EVC2: variants seen among roughly 807,000 people sequenced by gnomAD.
EVC2 encodes the protein limbin.
Under a neutral mutation model 149.3 loss-of-function variants are expected in EVC2, and 148 were observed. That is an observed-to-expected ratio of 0.99 (90% CI 0.87 to 1.14). The LOEUF (loss-of-function observed/expected upper bound fraction) is 1.14, where lower values mean the gene tolerates loss of function less well. Among genes scored for constraint, EVC2 ranks in the 50% most tolerant of loss-of-function variants. The probability of loss-of-function intolerance (pLI) is 0.00; values close to 1 mark genes in which losing one functional copy is unlikely to be tolerated. For synonymous variants in EVC2, 776 were observed against 649.9 expected (o/e 1.19, Z -2.95); for missense variants, 1,854 against 1,627.3 (o/e 1.14, Z -2.40).
chr4:5,665,778 C>T, intron 7 of EVC2, 129 bp from the exon 8 acceptor site: 1 of 1,425,516 alleles, frequency 7.0e-7, no homozygotes, highest in Non-Finnish European at 9.6e-7. Flanking sequence ...GAGTCTCGCT[C>T]TGCCAGCTAC....
downstream of EVC2, among the ~76,000 whole-genome samples, chr4:5,561,196 A>G (rs1721940860): frequency 6.6e-6 from 1 of 152,180 alleles, no homozygotes; most frequent in Admixed American, 6.5e-5. Context: ...AATTACCTTA[A>G]AAAGGTAGAG....
rs773633372 is a variant in EVC2, at chr4:5,699,642, CA to C, written c.229-1996del. Among the ~76,000 whole-genome samples, 656 of 111,704 alleles carry C rather than the reference CA, an allele frequency of 5.9e-3. 6 individuals carry two copies. The highest frequency in any genetic ancestry group is 0.019 in the African/African-American group (531 of 28,186). 73.3% of individuals were successfully genotyped at this position (111,704 alleles called of 152,430 possible). A position where few individuals can be genotyped will look rare whatever the true frequency, so the allele number is the denominator to read the frequency against. On this transcript the variant is annotated intron_variant, in intron 1 of 21. Coordinates refer to ENST00000344408, the MANE Select transcript of EVC2 (RefSeq NM_147127.5). ...ACAACATAGGGAGACTCCATCTCTA[CA>C]AAAAAAAAAAAAAAAGAAAAAAAGA...
rs1361941950 is a variant in EVC2, at chr4:5,569,176, T to A, written c.3361-536A>T. ...GTCACGTGCTGCGTGATTCCATGCA[T>A]GTAACCACCTGGGCGTGATGAGACT... On this transcript the variant is annotated intron_variant, in intron 19 of 21. Coordinates refer to ENST00000344408, the MANE Select transcript of EVC2 (RefSeq NM_147127.5). This position sits in a 1 kb window ranked among gnomAD's most constrained non-coding sequence, Gnocchi z 4.8. Among the ~76,000 whole-genome samples the A allele has an allele frequency of 1.3e-5, 2 of 152,174 alleles. No homozygotes were observed. Among genetic ancestry groups the A allele is most frequent in the Non-Finnish European group, 2.9e-5 (2 of 68,038 alleles).
At chr4:5,665,687 C>A (rs1372216897) in intron 7 of EVC2, 38 bp from the exon 8 acceptor site, 2 of 1,610,694 alleles carry the variant, frequency 1.2e-6, no homozygotes, top group South Asian at 2.2e-5. Flanking sequence ...CATGTGTGGT[C>A]AGACAGCATG....
chr4:5,571,847 T>C (rs1722661973), intron 19 of EVC2, among the ~76,000 whole-genome samples: 1 of 152,184 alleles, frequency 6.6e-6, no homozygotes, highest in African/African-American at 2.4e-5. Context: ...GGGAAGTCGA[T>C]GGCCTGTCAT....
chr4:5,586,614 G>A (rs995990939), intron 16 of EVC2, among the ~76,000 whole-genome samples: 1 of 151,982 alleles, frequency 6.6e-6, no homozygotes, highest in Non-Finnish European at 1.5e-5. Flanking sequence ...GCTACCTGGA[G>A]GCTTCATCTG....
chr4:5,678,903 T>G (rs1000947298), intron 7 of EVC2, among the ~76,000 whole-genome samples: 1 of 151,904 alleles, frequency 6.6e-6, no homozygotes, highest in Non-Finnish European at 1.5e-5. Context: ...TGGTGGTGGG[T>G]GCCTGTAATC....
chr4:5,576,136 G>C lies in EVC2; in HGVS notation c.3272+104C>G, dbSNP rs771323764. 5.7e-5 allele frequency: 90 copies of C among 1,587,790 alleles called. No homozygotes were observed. Among genetic ancestry groups the C allele is most frequent in the Non-Finnish European group, 7.7e-5 (89 of 1,163,284 alleles). Reference sequence around the variant, plus strand: ...CAATGGGATGACACCTTAGGCAAGAGGGTGAGAGCCCAGGTGGGTATGGGT... The same window carrying C: ...CAATGGGATGACACCTTAGGCAAGACGGTGAGAGCCCAGGTGGGTATGGGT... On this transcript the variant is annotated intron_variant, in intron 18 of 21. Coordinates refer to ENST00000344408, the MANE Select transcript of EVC2 (RefSeq NM_147127.5). The surrounding 1 kb of genome is among the most constrained non-coding windows in gnomAD (Gnocchi z 4.5).
chr4:5,535,053 T>C, the EVC2 span, among the ~76,000 whole-genome samples: 1 of 152,198 alleles, frequency 6.6e-6, no homozygotes, highest in East Asian at 1.9e-4. This position sits in a 1 kb window ranked among gnomAD's most constrained non-coding sequence, Gnocchi z 4.7. Context: ...GTTCCCTCAA[T>C]ACCAGTTTAA....
intron 12 of EVC2, among the ~76,000 whole-genome samples, chr4:5,627,008 A>C (rs189514683): frequency 6.6e-6 from 1 of 152,286 alleles, no homozygotes; most frequent in African/African-American, 2.4e-5. Flanking sequence ...GTTCCTATTT[A>C]TATAGGAAGC....
At chr4:5,650,604 C>CATATATAT (rs66673359) in intron 9 of EVC2, among the ~76,000 whole-genome samples, 172 of 52,932 alleles carry the variant, frequency 3.2e-3, no homozygotes, top group Non-Finnish European at 4.8e-3. Context: ...TTTTAATCGC[C>CATATATAT]ATATATATAT....
chr4:5,570,172 A>C (rs1722560888), intron 19 of EVC2, among the ~76,000 whole-genome samples: 1 of 152,136 alleles, frequency 6.6e-6, no homozygotes, highest in Non-Finnish European at 1.5e-5. Flanking sequence ...GAAGTCAGTG[A>C]CACACGCTTC....
chr4:5,568,988 C>A (rs1048485431), intron 19 of EVC2, among the ~76,000 whole-genome samples: 2 of 152,192 alleles, frequency 1.3e-5, no homozygotes, highest in African/African-American at 2.4e-5. Flanking sequence ...AGGCACCAGG[C>A]GAGCAGTGCA....
At chr4:5,617,976 C>T (rs773388088) in intron 15 of EVC2, among the ~76,000 whole-genome samples, 6 of 152,104 alleles carry the variant, frequency 3.9e-5, no homozygotes, top group Non-Finnish European at 5.9e-5. Context: ...TGTCTGCCCT[C>T]GGGCACATAA....
chr4:5,624,495 G>A (rs1320318375), intron 13 of EVC2, among the ~76,000 whole-genome samples: 1 of 152,144 alleles, frequency 6.6e-6, no homozygotes, highest in African/African-American at 2.4e-5. Flanking sequence ...TCAACAGTGG[G>A]GATGCAACGT....
At chr4:5,676,864 T>C (rs1337798965) in intron 7 of EVC2, among the ~76,000 whole-genome samples, 5 of 152,080 alleles carry the variant, frequency 3.3e-5, no homozygotes, top group Admixed American at 3.3e-4. Context: ...TTTCATGTAG[T>C]GCCTCAGTGT....
chr4:5,628,642 G>T lies in EVC2; in HGVS notation c.1803C>A (p.Asn601Lys), dbSNP rs942707279. The change falls in exon 12 of 22, where the codon AAC (asparagine) becomes AAA (lysine). Residue 601 changes from asparagine (N) to lysine (K), a missense_variant. By Grantham distance (94) the Asn-to-Lys change is moderately conservative (BLOSUM62 0). Coordinates refer to ENST00000344408, the MANE Select transcript of EVC2 (RefSeq NM_147127.5). ...GCACACGGGTCTCTGATGACTGGAGGTTCTGGACCAGATATTCCCTGTGGC... is the reference window on the plus strand; with the variant it reads ...GCACACGGGTCTCTGATGACTGGAGTTTCTGGACCAGATATTCCCTGTGGC... The part of the protein sequence containing the change: ...RFGHREYLVQ[N>K]LQSSETRVQG... 6.2e-7 allele frequency: 1 copy of T among 1,613,912 alleles called. No homozygotes were observed. Among genetic ancestry groups the T allele is most frequent in the Non-Finnish European group, 8.5e-7 (1 of 1,179,984 alleles).
the EVC2 span, among the ~76,000 whole-genome samples, chr4:5,531,676 T>C: frequency 3.3e-5 from 5 of 152,022 alleles, no homozygotes; most frequent in African/African-American, 9.7e-5. Context: ...CCTGATGATC[T>C]GTCACTGTCT....
Position 5,568,455 on chromosome 4 carries a change from C to A in EVC2, c.3546G>T (p.Val1182=). ...ESDGGAEQAD[V]GRRRKHQSWW... ...TCCACGGCACTCACCTCCGCCTGCC[C>A]ACGTCGGCCTGCTCCGCTCCGCCAT... Residue 1182 remains valine, a synonymous_variant, in exon 20 of 22, where the codon GTG becomes GTT. Coordinates refer to ENST00000344408, the MANE Select transcript of EVC2 (RefSeq NM_147127.5). 2 of 1,560,572 alleles carry A rather than the reference C, an allele frequency of 1.3e-6. No homozygotes were observed. The highest frequency in any genetic ancestry group is 2.3e-5 in the East Asian group (1 of 42,686).
Sources: gnomAD v4.1 joint callset for allele counts (sites outside exome capture counted in the v4.1 genomes callset) on GRCh38, gnomAD v4.1.1 for gene constraint, Gnocchi (gnomAD v3.1) non-coding constraint, MANE v1.5 for transcripts, NCBI Gene and HGNC (gene_info 2026-07-23, HGNC 2026-07-21) for gene names.